Variants in CEP135 observed in about 807,000 individuals in gnomAD.
CEP135 encodes the protein centrosomal protein 135, also known as centrosomal protein of 135 kDa.
A neutral mutation model predicts 157.3 loss-of-function variants in CEP135; 142 were observed. The observed-to-expected ratio is 0.90, with a 90% CI of 0.79 to 1.04. CEP135 has a LOEUF of 1.04. CEP135 is among the 50% of genes least tolerant of loss of function. The pLI, the probability that CEP135 is intolerant of heterozygous loss-of-function variation, is 0.00. For synonymous variants in CEP135, 396 were observed against 439.8 expected, an observed-to-expected ratio of 0.90 and a Z score of 1.25; for missense variants, 1,317 against 1,309.2, an observed-to-expected ratio of 1.01 and a Z score of -0.09.
intron 1 of CEP135, 51 bp from the exon 2 acceptor site, chr4:55,952,035 A>T (rs949653975): frequency 1.7e-6 from 1 of 590,954 alleles, no homozygotes; most frequent in African/African-American, 1.9e-5. Flanking sequence ...TTATTGTGAA[A>T]CAACAATCAT....
At position 55,988,238 on chromosome 4, in the gene CEP135, AG is replaced by A. The variant is rs141890653; in HGVS notation, c.1857+2885del. Among the ~76,000 whole-genome samples the A allele has an allele frequency of 1.0e-3, 153 of 150,104 alleles. 4 individuals carry two copies. The East Asian group carries it at 0.027, about 27-fold the overall frequency. ...ATAAGAGTGTGGGGGGCGGGGGGTG[AG>A]GGGGAAGAATTGACAATAGATCTTA... is the stretch of plus-strand genomic sequence containing the variant. On this transcript the variant is annotated intron_variant, in intron 14 of 25. Coordinates refer to ENST00000257287, the MANE Select transcript of CEP135 (RefSeq NM_025009.5).
At chr4:55,951,289 A>AAGTATGTT (rs1158219820) in intron 1 of CEP135, among the ~76,000 whole-genome samples, 18 of 152,184 alleles carry the variant, frequency 1.2e-4, no homozygotes, top group African/African-American at 4.3e-4. Context: ...TATAGTCCAG[A>AAGTATGTT]AGTATGTTTA....
At position 56,032,825 on chromosome 4, in the gene CEP135, C is replaced by T. The variant is rs1341084136; in HGVS notation, c.*1477C>T. 6.7e-5 allele frequency: 10 copies of T among 149,782 alleles called. 1 individual carries two copies. The Admixed American group carries it at 6.7e-4, about 10-fold the overall frequency. The allele number at this position is 149,782 out of a possible 1,614,324, so 9.3% of individuals were successfully genotyped here. On this transcript the variant is annotated 3_prime_UTR_variant, in exon 26 of 26. Transcript: ENST00000257287. ...AGTTACTTATGATATATTTTGTTTC[C>T]TCTTGTGGTTTAATAAAGTGAAGTG...
intron 8 of CEP135, 36 bp downstream of exon 8, chr4:55,965,895 A>G (rs1577871509): frequency 6.6e-7 from 1 of 1,521,664 alleles, no homozygotes; most frequent in Non-Finnish European, 9.1e-7. Flanking sequence ...GAGAGTGTTC[A>G]TTAATTCTCC....
At chr4:56,005,535 G>C (rs922212020) in intron 17 of CEP135, among the ~76,000 whole-genome samples, 2 of 152,106 alleles carry the variant, frequency 1.3e-5, no homozygotes, top group South Asian at 4.1e-4. Context: ...TTACAGATTT[G>C]TATATTGCCT....
Position 56,011,313 on chromosome 4 carries a change from C to A in CEP135, c.2506-99C>A, listed in dbSNP as rs1020993626. On this transcript the variant is annotated intron_variant, in intron 19 of 25. Coordinates refer to ENST00000257287, the MANE Select transcript of CEP135 (RefSeq NM_025009.5). ...GGAACAGTTTTCCTTTTGCCCTACT[C>A]TATCTTATTCTCCAATTCCAAAGGA... 10 of 802,168 alleles carry A rather than the reference C, an allele frequency of 1.2e-5. No homozygotes were observed. The African/African-American group carries it at 1.6e-4, about 13-fold the overall frequency. The allele number at this position is 802,168 out of a possible 1,614,324, so 49.7% of individuals were successfully genotyped here.
intron 11 of CEP135, among the ~76,000 whole-genome samples, chr4:55,977,551 T>C (rs1729263769): frequency 6.6e-6 from 1 of 152,214 alleles, no homozygotes; most frequent in South Asian, 2.1e-4. Context: ...GTCAGTTTTA[T>C]TTTTAATTGA....
In CEP135 at chr4:55,952,171, A is replaced by G; in HGVS notation, c.41A>G (p.Lys14Arg). 6.2e-7 allele frequency: 1 copy of G among 1,613,292 alleles called. No individual in the cohort carries two copies. The highest frequency in any genetic ancestry group is 8.5e-7 in the Non-Finnish European group (1 of 1,179,262). Residue 14 changes from lysine to arginine, a missense_variant, in exon 2 of 26, where the codon AAA (lysine) becomes AGA (arginine). Lys to Arg is a conservative substitution (Grantham distance 26). Transcript: ENST00000257287. ...AVERKYINIR[K>R]RLDQLGYRQT... ...GAGAGAAAGTATATTAATATTAGGA[A>G]AAGGCTGGATCAGCTGGGATACCGC... is the stretch of plus-strand genomic sequence containing the variant.
At chr4:55,954,433 G>T in intron 4 of CEP135, 50 bp downstream of exon 4, 1 of 1,491,812 alleles carries the variant, frequency 6.7e-7, no homozygotes, top group South Asian at 1.3e-5. Context: ...ATCTTTTAAC[G>T]ATATTAACAC....
At chr4:55,989,545 CA>C (rs1007730490) in intron 14 of CEP135, among the ~76,000 whole-genome samples, 1 of 149,720 alleles carries the variant, frequency 6.7e-6, no homozygotes, top group Non-Finnish European at 1.5e-5. Flanking sequence ...ACCACATTGG[CA>C]AAAAAAAATC....
At position 55,957,277 on chromosome 4, in the gene CEP135, C is replaced by A. The variant is rs149954755; in HGVS notation, c.527C>A (p.Pro176Gln). ...FRRQRMQIDE[P>Q]VPPSEVSSYP... ...CGCCAGCGTATGCAAATTGATGAAC[C>A]GGTTCCTCCCTCTGAAGTCAGTTCA... Residue 176 changes from proline (P) to glutamine (Q), a missense_variant, in exon 5 of 26, where the codon CCG (proline) becomes CAG (glutamine). By Grantham distance (76) the Pro-to-Gln change is moderately conservative. Transcript: ENST00000257287. 5 of 1,614,030 alleles carry A rather than the reference C, an allele frequency of 3.1e-6. No individual in the cohort carries two copies. The highest frequency in any genetic ancestry group is 4.2e-6 in the Non-Finnish European group (5 of 1,179,920).
At chr4:56,016,231 A>G (rs1239693986) in intron 21 of CEP135, among the ~76,000 whole-genome samples, 1 of 152,196 alleles carries the variant, frequency 6.6e-6, no homozygotes, top group East Asian at 1.9e-4. Flanking sequence ...AAGCTCTGGA[A>G]GAACCAGCCC....
intron 22 of CEP135, among the ~76,000 whole-genome samples, chr4:56,018,632 C>A (rs1730864427): frequency 6.6e-6 from 1 of 151,994 alleles, no homozygotes; most frequent in East Asian, 1.9e-4. Context: ...GTGGCATGTG[C>A]CTATAGTCCC....
chr4:56,029,166 C>T (rs1024400101), intron 25 of CEP135, among the ~76,000 whole-genome samples: 1 of 152,214 alleles, frequency 6.6e-6, no homozygotes, highest in Non-Finnish European at 1.5e-5. Context: ...GCTTCTGTGC[C>T]CTCTCAAGGC....
intron 14 of CEP135, among the ~76,000 whole-genome samples, chr4:55,990,741 A>G (rs1434760128): frequency 6.6e-6 from 1 of 152,108 alleles, no homozygotes; most frequent in Admixed American, 6.5e-5. Context: ...GGCCTCAAGC[A>G]ATCCTCTTGG....
rs1394271550 is a variant in CEP135 at position 56,032,143 on chromosome 4, G to A, written c.*795G>A. On this transcript the variant is annotated 3_prime_UTR_variant, in exon 26 of 26. Coordinates refer to ENST00000257287, the MANE Select transcript of CEP135 (RefSeq NM_025009.5). ...CGGTGTATTAATCTAAGGTTTCAAAGTATAAAAGTATATGGGGTAGGCCGG... is the reference window on the plus strand; with the variant it reads ...CGGTGTATTAATCTAAGGTTTCAAAATATAAAAGTATATGGGGTAGGCCGG... 2.6e-5 allele frequency: 4 copies of A among 152,144 alleles called. No homozygotes were observed. Among genetic ancestry groups the A allele is most frequent in the Non-Finnish European group, 5.9e-5 (4 of 68,018 alleles). 9.4% of individuals were successfully genotyped at this position (152,144 alleles called of 1,614,324 possible). A position where few individuals can be genotyped will look rare whatever the true frequency, so the allele number is the denominator to read the frequency against.
intron 24 of CEP135, among the ~76,000 whole-genome samples, chr4:56,023,707 GTATAT>G (rs1464047859): frequency 7.1e-6 from 1 of 141,356 alleles, no homozygotes; most frequent in African/African-American, 2.6e-5. Context: ...ATAATATACT[GTATAT>G]TATATGTAAT....
chr4:55,987,384 C>T (rs922793587), intron 14 of CEP135, among the ~76,000 whole-genome samples: 9 of 152,180 alleles, frequency 5.9e-5, no homozygotes, highest in African/African-American at 2.2e-4. Context: ...CACCTCTCCT[C>T]TAATACCTGT....
chr4:56,003,861 C>T (rs541990280), intron 17 of CEP135, among the ~76,000 whole-genome samples: 60 of 152,176 alleles, frequency 3.9e-4, no homozygotes, highest in African/African-American at 1.4e-3. Flanking sequence ...GCTGGTACTA[C>T]AGACGTGTAC....
Sources: gnomAD v4.1 joint callset for allele counts (sites outside exome capture counted in the v4.1 genomes callset) on GRCh38, gnomAD v4.1.1 for gene constraint, MANE v1.5 for transcripts, NCBI Gene and HGNC (gene_info 2026-07-23, HGNC 2026-07-21) for gene names.